CDH2: variants seen among roughly 807,000 people sequenced by gnomAD.
The protein encoded by CDH2 is cadherin 2.
In CDH2, 17 loss-of-function variants were observed where a neutral mutation model predicts 92.0. The observed-to-expected ratio is 0.18, with a 90% CI of 0.13 to 0.28. The LOEUF (loss-of-function observed/expected upper bound fraction) is 0.28. Among genes scored for constraint, CDH2 ranks in the 10% least tolerant of loss-of-function variants. The pLI is 1.00. For synonymous variants in CDH2, 419 were observed against 415.9 expected (o/e 1.01, Z -0.09); for missense variants, 862 against 1,133.1 (o/e 0.76, Z 3.44).
chr18:27,941,086 A>G (rs1228503411), intron 6 of CDH2, among the ~76,000 whole-genome samples: 2 of 133,486 alleles, frequency 1.5e-5, no homozygotes, highest in Admixed American at 1.8e-4. Flanking sequence ...CCCAGGCTGG[A>G]GTGCAGTGGT....
intron 7 of CDH2, among the ~76,000 whole-genome samples, chr18:28,000,880 CTG>C (rs5823573): frequency 0.31 from 46,505 of 151,844 alleles, 8,566 homozygotes; most frequent in Non-Finnish European, 0.43. Flanking sequence ...AGAAAGGAAA[CTG>C]TGAATTCTAA....
At chr18:28,124,235 T>C (rs1312390410) in intron 2 of CDH2, among the ~76,000 whole-genome samples, 1 of 152,134 alleles carries the variant, frequency 6.6e-6, no homozygotes, top group Non-Finnish European at 1.5e-5. Context: ...AGGTTCATTT[T>C]GTACATCTGC....
intron 2 of CDH2, among the ~76,000 whole-genome samples, chr18:28,017,546 A>G (rs2013286599): frequency 1.3e-5 from 2 of 152,040 alleles, no homozygotes; most frequent in Non-Finnish European, 2.9e-5. Context: ...AGTTTTACTT[A>G]TCTTTCAAAT....
At chr18:28,173,405 G>C (rs2016492873) in intron 1 of CDH2, among the ~76,000 whole-genome samples, 1 of 152,042 alleles carries the variant, frequency 6.6e-6, no homozygotes, top group Non-Finnish European at 1.5e-5. Flanking sequence ...ATTTTCACAA[G>C]AACTTATGTT....
At chr18:27,999,448 T>C (rs2012692127) in intron 7 of CDH2, among the ~76,000 whole-genome samples, 3 of 152,076 alleles carry the variant, frequency 2.0e-5, no homozygotes, top group Non-Finnish European at 4.4e-5. Context: ...CCCTTCAGGA[T>C]GGAACTAGGA....
intron 9 of CDH2, among the ~76,000 whole-genome samples, chr18:27,990,889 CAT>C (rs983023568): frequency 2.0e-5 from 3 of 152,152 alleles, no homozygotes; most frequent in African/African-American, 7.2e-5. Flanking sequence ...GCAGTACAAA[CAT>C]GTATACATAA....
At chr18:27,982,800 C>A in intron 14 of CDH2, 144 bp downstream of exon 14, 4 of 404,544 alleles carry the variant, frequency 9.9e-6, no homozygotes, top group Non-Finnish European at 1.3e-5. Context: ...GAGAAATATT[C>A]AACACACATA....
At chr18:27,942,800 CTTGTT>C (rs1028666814) in intron 6 of CDH2, among the ~76,000 whole-genome samples, 2 of 152,044 alleles carry the variant, frequency 1.3e-5, no homozygotes, top group African/African-American at 4.8e-5. Context: ...GTAGGTAGGT[CTTGTT>C]TTGTGTATGA....
intron 2 of CDH2, among the ~76,000 whole-genome samples, chr18:28,040,388 C>T (rs958570829): frequency 2.6e-5 from 4 of 152,202 alleles, no homozygotes; most frequent in East Asian, 1.9e-4. Context: ...GCCAGTGGAG[C>T]GAGTTCCATC....
chr18:28,054,902 C>A (rs1049578569), intron 2 of CDH2, among the ~76,000 whole-genome samples: 1 of 152,126 alleles, frequency 6.6e-6, no homozygotes, highest in South Asian at 2.1e-4. Flanking sequence ...TTATTTTCAG[C>A]TGGTTATTTC....
rs550568513 is a variant in CDH2 at position 28,128,252 on chromosome 18, A to G, written c.172+19421T>C. Among the ~76,000 whole-genome samples, 7 of 152,306 alleles carry G rather than the reference A, an allele frequency of 4.6e-5. No homozygotes were observed. In the East Asian group the frequency reaches 1.4e-3, roughly 29 times the overall value. ...GAATTATGTTCTGAAAAACTTGTTC[A>G]ATTTGGCTAAGTCTCATAATCTCAT... is the stretch of plus-strand genomic sequence containing the variant. On this transcript the variant is annotated intron_variant, in intron 2 of 15. Transcript: ENST00000269141.
At chr18:28,113,906 C>T (rs552818722) in intron 2 of CDH2, among the ~76,000 whole-genome samples, 6 of 151,906 alleles carry the variant, frequency 3.9e-5, no homozygotes, top group Admixed American at 1.3e-4. Flanking sequence ...TTTTAAAAAT[C>T]GTGAAGGAAA....
chr18:28,172,522 A>C (rs1364705360), intron 1 of CDH2, among the ~76,000 whole-genome samples: 3 of 152,166 alleles, frequency 2.0e-5, no homozygotes, highest in African/African-American at 7.2e-5. Flanking sequence ...ATTTTAGTAG[A>C]AAAAAACAGA....
downstream of CDH2, among the ~76,000 whole-genome samples, chr18:27,947,809 A>ATATGTGATATAAGTG: frequency 1.3e-5 from 2 of 151,942 alleles, no homozygotes; most frequent in African/African-American, 2.4e-5. Context: ...TGATGTAAGT[A>ATATGTGATATAAGTG]TATGTGATAT....
intron 15 of CDH2, among the ~76,000 whole-genome samples, chr18:27,953,972 C>G (rs529600837): frequency 6.6e-6 from 1 of 152,248 alleles, no homozygotes; most frequent in Admixed American, 6.5e-5. Flanking sequence ...CTGCTTGACT[C>G]ACGTCAAAAA....
intron 2 of CDH2, among the ~76,000 whole-genome samples, chr18:28,071,403 A>G (rs1218541891): frequency 1.3e-5 from 2 of 152,032 alleles, no homozygotes; most frequent in Non-Finnish European, 2.9e-5. Flanking sequence ...GTCAAGCAGG[A>G]AAAGGGTAAG....
chr18:27,942,400 C>A (rs953591123), intron 6 of CDH2, among the ~76,000 whole-genome samples: 1 of 152,142 alleles, frequency 6.6e-6, no homozygotes, highest in African/African-American at 2.4e-5. Context: ...GGTTACAATG[C>A]TCCAGGTGTC....
At chr18:28,079,781 A>T (rs1021970296) in intron 2 of CDH2, among the ~76,000 whole-genome samples, 1 of 152,170 alleles carries the variant, frequency 6.6e-6, no homozygotes, top group African/African-American at 2.4e-5. Flanking sequence ...TTGTTCTAGC[A>T]TGTGTAGTGG....
At chr18:28,110,422 G>A (rs561699490) in intron 2 of CDH2, among the ~76,000 whole-genome samples, 1 of 152,238 alleles carries the variant, frequency 6.6e-6, no homozygotes, top group East Asian at 1.9e-4. Flanking sequence ...ATCAAATTTA[G>A]GAAAAAGGGA....
Sources: gnomAD v4.1 joint callset for allele counts (sites outside exome capture counted in the v4.1 genomes callset) on GRCh38, gnomAD v4.1.1 for gene constraint, MANE v1.5 for transcripts, NCBI Gene and HGNC (gene_info 2026-07-23, HGNC 2026-07-21) for gene names.